Variants in CNOT2 observed in about 807,000 individuals in gnomAD.
CNOT2 encodes the protein CCR4-NOT transcription complex subunit 2, also known as CC chemokine receptor 4-negative regulator of transcription 2.
A neutral mutation model predicts 72.1 loss-of-function variants in CNOT2; 7 were observed. The ratio of observed to expected loss-of-function variants is 0.10; its 90% CI spans 0.06 to 0.18. CNOT2 has a LOEUF of 0.18. CNOT2 is among the 10% of genes least tolerant of loss of function. The probability of loss-of-function intolerance (pLI) is 1.00; values close to 1 mark genes in which losing one functional copy is unlikely to be tolerated. For missense variants in CNOT2, 345 were observed against 660.3 expected (o/e 0.52, Z 5.23); for synonymous variants, 196 against 225.6 (o/e 0.87, Z 1.17).
At chr12:70,244,972 A>G (rs1461513678) in intron 1 of CNOT2, among the ~76,000 whole-genome samples, 2 of 152,234 alleles carry the variant, frequency 1.3e-5, no homozygotes, top group African/African-American at 2.4e-5. Context: ...GAAATTTTAA[A>G]GTATCCATTT....
At chr12:70,346,955 G>A (rs9804870) in intron 15 of CNOT2, among the ~76,000 whole-genome samples, 11 of 151,716 alleles carry the variant, frequency 7.3e-5, no homozygotes, top group South Asian at 6.2e-4. Flanking sequence ...CATTTAGTAC[G>A]TTGTGTTTAT....
chr12:70,337,680 C>T (rs1220852933), intron 9 of CNOT2, 167 bp downstream of exon 9: 2 of 759,280 alleles, frequency 2.6e-6, no homozygotes, highest in African/African-American at 3.5e-5. Flanking sequence ...AGAAGATAGC[C>T]TATTTTTTTC....
At chr12:70,244,182 C>G (rs1354075535) in intron 1 of CNOT2, 1 of 152,254 alleles carries the variant, frequency 6.6e-6, no homozygotes, top group Non-Finnish European at 1.5e-5. Context: ...TGCCACCGCA[C>G]CAGGAAGGTG....
At position 70,329,561 on chromosome 12, in the gene CNOT2, C is replaced by A; in HGVS notation, c.377C>A (p.Ser126Tyr). Residue 126 changes from serine (S) to tyrosine (Y), a missense_variant, in exon 5 of 16, where the codon TCT (serine) becomes TAT (tyrosine). Ser to Tyr is a moderately radical substitution (Grantham distance 144). Transcript: ENST00000229195. Reference protein sequence around the residue: ...VPTMSLHTPPSPSRGILPMNP... With the variant: ...VPTMSLHTPPYPSRGILPMNP... ...ACAATGTCACTTCACACGCCTCCATCTCCAAGCAGGTATTTATTGATGGAC... is the reference window on the plus strand; with the variant it reads ...ACAATGTCACTTCACACGCCTCCATATCCAAGCAGGTATTTATTGATGGAC... The A allele has an allele frequency of 6.2e-7, 1 of 1,608,760 alleles. No individual in the cohort carries two copies. Among genetic ancestry groups the A allele is most frequent in the Non-Finnish European group, 8.5e-7 (1 of 1,175,592 alleles).
chr12:70,298,264 C>T lies in CNOT2; in HGVS notation c.49-12631C>T, dbSNP rs143567973. ...GGTATACCCTACTTACCATTGTTCACAATATAAGGACCTTCCTCCTCCAAT... is the reference window on the plus strand; with the variant it reads ...GGTATACCCTACTTACCATTGTTCATAATATAAGGACCTTCCTCCTCCAAT... On this transcript the variant is annotated intron_variant, in intron 2 of 15. Coordinates refer to ENST00000229195, the MANE Select transcript of CNOT2 (RefSeq NM_014515.7). 2.9e-3 allele frequency among the ~76,000 whole-genome samples: 444 copies of T among 152,268 alleles called. 1 individual carries two copies. Among genetic ancestry groups the T allele is most frequent in the African/African-American group, 0.01 (428 of 41,550 alleles).
chr12:70,352,773 T>C (rs550327255), intron 15 of CNOT2, among the ~76,000 whole-genome samples: 4 of 152,314 alleles, frequency 2.6e-5, no homozygotes, highest in African/African-American at 9.6e-5. Flanking sequence ...CTAATATACA[T>C]AGCTATTCTG....
chr12:70,271,239 T>A (rs1333301946), intron 1 of CNOT2, among the ~76,000 whole-genome samples: 1 of 152,132 alleles, frequency 6.6e-6, no homozygotes, highest in Non-Finnish European at 1.5e-5. Flanking sequence ...GTCTGTTTTT[T>A]CTTTCTTTCC....
intron 4 of CNOT2, among the ~76,000 whole-genome samples, chr12:70,326,587 AGTTT>A (rs1879114554): frequency 6.6e-6 from 1 of 151,548 alleles, no homozygotes; most frequent in South Asian, 2.1e-4. Flanking sequence ...CAGTTGTGTT[AGTTT>A]GACTCAAGCA....
intron 1 of CNOT2, among the ~76,000 whole-genome samples, chr12:70,277,187 T>C (rs1168706326): frequency 6.6e-6 from 1 of 152,082 alleles, no homozygotes; most frequent in Non-Finnish European, 1.5e-5. Flanking sequence ...GTATGCATAC[T>C]ACTTCCTTAG....
At chr12:70,245,050 A>G (rs1196644197) in intron 1 of CNOT2, among the ~76,000 whole-genome samples, 3 of 152,238 alleles carry the variant, frequency 2.0e-5, no homozygotes, top group Non-Finnish European at 2.9e-5. Flanking sequence ...CCAAACGTCA[A>G]TGAATAAATC....
At chr12:70,306,553 G>A (rs1275774876) in intron 2 of CNOT2, among the ~76,000 whole-genome samples, 1 of 152,060 alleles carries the variant, frequency 6.6e-6, no homozygotes, top group Non-Finnish European at 1.5e-5. Context: ...TTCAAAAAAG[G>A]TTTAAGAAAC....
chr12:70,343,577 G>A (rs980456146), intron 13 of CNOT2, among the ~76,000 whole-genome samples: 1 of 152,170 alleles, frequency 6.6e-6, no homozygotes, highest in African/African-American at 2.4e-5. Flanking sequence ...TTCACTGTCA[G>A]ATATAGATTC....
At chr12:70,261,596 G>A (rs1026220855) in intron 1 of CNOT2, among the ~76,000 whole-genome samples, 11 of 151,954 alleles carry the variant, frequency 7.2e-5, no homozygotes, top group South Asian at 2.1e-4. Flanking sequence ...GATTACAGGC[G>A]TGAGCTACCA....
At chr12:70,326,606 A>C (rs1269385849) in intron 4 of CNOT2, among the ~76,000 whole-genome samples, 1 of 151,770 alleles carries the variant, frequency 6.6e-6, no homozygotes, top group Non-Finnish European at 1.5e-5. Context: ...CAAGCAACTC[A>C]AAGTTAATGA....
intron 2 of CNOT2, among the ~76,000 whole-genome samples, chr12:70,291,547 C>T (rs1392035232): frequency 2.0e-5 from 3 of 152,268 alleles, no homozygotes; most frequent in Admixed American, 6.5e-5. Flanking sequence ...TCTTTGACAC[C>T]GTGTTCATAG....
At chr12:70,327,268 GAGAA>G (rs1333611787) in intron 4 of CNOT2, among the ~76,000 whole-genome samples, 6 of 151,652 alleles carry the variant, frequency 4.0e-5, no homozygotes, top group African/African-American at 1.5e-4. Flanking sequence ...GACGATGAGA[GAGAA>G]AGAAAATGGA....
intron 1 of CNOT2, among the ~76,000 whole-genome samples, chr12:70,244,562 G>T (rs1013318484): frequency 6.6e-6 from 1 of 152,052 alleles, no homozygotes; most frequent in African/African-American, 2.4e-5. Context: ...TACATTAAGG[G>T]TACCACCCTC....
At chr12:70,296,766 C>CG (rs1287361722) in intron 2 of CNOT2, among the ~76,000 whole-genome samples, 2 of 148,578 alleles carry the variant, frequency 1.3e-5, no homozygotes, top group Admixed American at 6.8e-5. Context: ...AGCCCCCCCC[C>CG]CTTTTTAAAT....
At chr12:70,291,304 T>C (rs1362600960) in intron 2 of CNOT2, among the ~76,000 whole-genome samples, 1 of 152,184 alleles carries the variant, frequency 6.6e-6, no homozygotes, top group East Asian at 1.9e-4. Flanking sequence ...GACATTATAA[T>C]AAATGTGCTA....
Sources: allele counts gnomAD v4.1 joint callset (sites outside exome capture counted in the v4.1 genomes callset), GRCh38; gene constraint gnomAD v4.1.1; transcripts MANE v1.5; gene names NCBI Gene and HGNC (gene_info 2026-07-23, HGNC 2026-07-21).